The following PKHD1 variants were observed in gnomAD, a reference collection of about 807,000 sequenced individuals.
PKHD1 encodes the protein fibrocystin.
PKHD1 carries 291 observed loss-of-function variants against 412.0 expected under a neutral mutation model. That is an observed-to-expected ratio of 0.71 (90% confidence interval 0.64 to 0.78). The LOEUF is 0.78. Among genes scored for constraint, PKHD1 ranks in the 30% least tolerant of loss-of-function variants. The pLI, the probability that PKHD1 is intolerant of heterozygous loss-of-function variation, is 0.00. For missense variants in PKHD1, 4,825 were observed against 4,950.7 expected, an observed-to-expected ratio of 0.97 and a Z score of 0.76; for synonymous variants, 1,777 against 1,821.5, an observed-to-expected ratio of 0.98 and a Z score of 0.62.
chr6:51,627,238 A>G (rs764814963), intron 65 of PKHD1, 122 bp from the exon 66 acceptor site: 21 of 889,932 alleles, frequency 2.4e-5, no homozygotes, highest in Non-Finnish European at 3.5e-5. Flanking sequence ...AACAGAAAGC[A>G]TATAACATAT....
intron 52 of PKHD1, among the ~76,000 whole-genome samples, chr6:51,806,156 TG>T (rs1324611160): frequency 6.6e-6 from 1 of 151,978 alleles, no homozygotes. Flanking sequence ...CACACCAACA[TG>T]GCACATGTAT....
At chr6:51,890,760 G>C (rs948030963) in intron 43 of PKHD1, among the ~76,000 whole-genome samples, 1 of 152,112 alleles carries the variant, frequency 6.6e-6, no homozygotes, top group Non-Finnish European at 1.5e-5. Context: ...TAGGGGTGTG[G>C]GACATTTCTC....
intron 35 of PKHD1, among the ~76,000 whole-genome samples, chr6:51,970,409 A>G (rs576037289): frequency 2.8e-4 from 43 of 152,188 alleles, no homozygotes; most frequent in Non-Finnish European, 3.1e-4. Flanking sequence ...TTATCTGTTC[A>G]TTATGTTGAT....
chr6:51,626,939 C>T, intron 66 of PKHD1, 58 bp downstream of exon 66: 2 of 1,592,296 alleles, frequency 1.3e-6, no homozygotes, highest in South Asian at 1.1e-5. Context: ...GAGAGGGAGG[C>T]TCAGACCATC....
At chr6:51,716,254 A>T (rs1404898859) in intron 60 of PKHD1, among the ~76,000 whole-genome samples, 1 of 152,204 alleles carries the variant, frequency 6.6e-6, no homozygotes, top group Non-Finnish European at 1.5e-5. Flanking sequence ...GAGATGTGAA[A>T]TTAAAATAAT....
chr6:52,052,685 A>AT (rs1387560500), intron 21 of PKHD1, among the ~76,000 whole-genome samples: 1 of 152,202 alleles, frequency 6.6e-6, no homozygotes, highest in Non-Finnish European at 1.5e-5. Flanking sequence ...GCTTATATTT[A>AT]TTAGACACCT....
chr6:51,755,645 G>C (rs1295759433), intron 55 of PKHD1, among the ~76,000 whole-genome samples: 1 of 152,036 alleles, frequency 6.6e-6, no homozygotes, highest in Non-Finnish European at 1.5e-5. Flanking sequence ...GAATATGACT[G>C]TTTTATTTTC....
chr6:51,978,069 T>A lies in PKHD1; in HGVS notation c.5752-18043A>T, dbSNP rs185717040. Among the ~76,000 whole-genome samples, 1,227 of 151,838 alleles carry A rather than the reference T, an allele frequency of 8.1e-3. 12 individuals carry two copies. Among genetic ancestry groups the A allele is most frequent in the African/African-American group, 0.028 (1,144 of 41,362 alleles). On this transcript the variant is annotated intron_variant, in intron 35 of 66. Transcript: ENST00000371117. ...GGATCTATAATGAAGCCACAGAAAA[T>A]CCCATAAGAGAGAGCTGCACCTGCC...
intron 60 of PKHD1, among the ~76,000 whole-genome samples, chr6:51,695,569 A>C (rs1432744566): frequency 1.3e-5 from 2 of 152,202 alleles, no homozygotes; most frequent in Non-Finnish European, 2.9e-5. Flanking sequence ...ACATATTCCT[A>C]GGATTCATTT....
chr6:51,865,659 G>A (rs991281829), intron 48 of PKHD1, among the ~76,000 whole-genome samples: 2 of 152,112 alleles, frequency 1.3e-5, no homozygotes, highest in African/African-American at 4.8e-5. Flanking sequence ...AAGACAGCAG[G>A]GTGCTTATGC....
intron 57 of PKHD1, among the ~76,000 whole-genome samples, chr6:51,752,411 C>T (rs1215100020): frequency 6.6e-6 from 1 of 152,128 alleles, no homozygotes; most frequent in Non-Finnish European, 1.5e-5. Context: ...CTGATAACGG[C>T]TTATGGAGAC....
chr6:52,025,867 G>A lies in PKHD1; in HGVS notation c.3943C>T (p.Leu1315=), dbSNP rs1554199216. 4.3e-6 allele frequency: 7 copies of A among 1,614,158 alleles called. No homozygotes were observed. ...TTACTTCCTCCCACATGCAGGCTCA[G>A]GCTGCTATTTGTGATTTCTCCTTGC... ...AMQGEITNSS[L]SLHVGGSNLS... is the part of the protein sequence containing the mutation. The change falls in exon 32 of 67, where the codon CTG becomes TTG. Residue 1315 remains leucine, a synonymous_variant. Coordinates refer to ENST00000371117, the MANE Select transcript of PKHD1 (RefSeq NM_138694.4).
chr6:52,046,872 A>T (rs1805929095), intron 23 of PKHD1, among the ~76,000 whole-genome samples: 1 of 152,240 alleles, frequency 6.6e-6, no homozygotes, highest in Non-Finnish European at 1.5e-5. Context: ...AAGAAAATGA[A>T]ACCCAACCAT....
intron 36 of PKHD1, among the ~76,000 whole-genome samples, 188 bp from the exon 37 acceptor site, chr6:51,934,510 T>C (rs544879698): frequency 6.6e-6 from 1 of 152,336 alleles, no homozygotes; most frequent in African/African-American, 2.4e-5. Context: ...CACTATTATT[T>C]AGCCAGTTTA....
intron 61 of PKHD1, among the ~76,000 whole-genome samples, chr6:51,652,188 AT>A (rs151325628): frequency 6.6e-6 from 1 of 151,548 alleles, no homozygotes; most frequent in African/African-American, 2.4e-5. Flanking sequence ...TATGTGAGAG[AT>A]TTTTTTTTCT....
rs199550386 is a variant in PKHD1, at chr6:52,026,019, G to C, written c.3791C>G (p.Thr1264Ser). ...CCAGACCTCCACGGCAGCTGGAACA[G>C]TGGGAGCGCCCGCATCGGGTATCTG... ...APQIPDAGAP[T>S]VPAAVEVWAG... Residue 1264 changes from threonine (T) to serine (S), a missense_variant, in exon 32 of 67, where the codon ACT (threonine) becomes AGT (serine). By Grantham distance (58) the Thr-to-Ser change is moderately conservative. Transcript: ENST00000371117. 220 of 1,614,046 alleles carry C rather than the reference G, an allele frequency of 1.4e-4. 1 individual carries two copies. Among genetic ancestry groups the C allele is most frequent in the Non-Finnish European group, 1.4e-5 (17 of 1,180,046 alleles).
At chr6:51,975,978 A>G (rs1191393690) in intron 35 of PKHD1, 2 of 151,014 alleles carry the variant, frequency 1.3e-5, no homozygotes, top group African/African-American at 2.4e-5. Flanking sequence ...AAAAAAAAAA[A>G]AAAAAAAAAA....
intron 52 of PKHD1, among the ~76,000 whole-genome samples, chr6:51,819,882 T>G (rs1392375791): frequency 6.6e-6 from 1 of 152,220 alleles, no homozygotes; most frequent in African/African-American, 2.4e-5. Context: ...GTATATACTC[T>G]TAATGAACTG....
chr6:52,079,400 G>T (rs988281466), intron 5 of PKHD1, among the ~76,000 whole-genome samples: 2 of 152,156 alleles, frequency 1.3e-5, no homozygotes, highest in Non-Finnish European at 2.9e-5. Flanking sequence ...GGTAGAAATT[G>T]GGTCTCCTCA....
Sources: allele counts gnomAD v4.1 joint callset (sites outside exome capture counted in the v4.1 genomes callset), GRCh38; gene constraint gnomAD v4.1.1; transcripts MANE v1.5; gene names NCBI Gene and HGNC (gene_info 2026-07-23, HGNC 2026-07-21).